The following PLOD2 variants were observed in gnomAD, a reference collection of about 807,000 sequenced individuals.
The protein encoded by PLOD2 is procollagen-lysine,2-oxoglutarate 5-dioxygenase 2, also known as lysine hydroxylase 2.
A neutral mutation model predicts 101.0 loss-of-function variants in PLOD2; 65 were observed. That is an observed-to-expected ratio of 0.64 (90% CI 0.53 to 0.79). The LOEUF is 0.79. PLOD2 is among the 30% of genes least tolerant of loss of function. PLOD2 has a pLI of 0.00. For synonymous variants in PLOD2, 314 were observed against 302.9 expected (o/e 1.04, Z -0.38); for missense variants, 909 against 914.6 (o/e 0.99, Z 0.08).
At position 146,069,859 on chromosome 3, in the gene PLOD2, T is replaced by C. The variant is rs1209984147; in HGVS notation, c.*858A>G. The C allele has an allele frequency of 2.6e-5, 4 of 152,248 alleles. No homozygotes were observed. Among genetic ancestry groups the C allele is most frequent in the African/African-American group, 7.2e-5 (3 of 41,398 alleles). 9.4% of individuals were successfully genotyped at this position (152,248 alleles called of 1,614,324 possible). A position where few individuals can be genotyped will look rare whatever the true frequency, so the allele number is the denominator to read the frequency against. ...TAATTAAATGCACTACTCATCTCAA[T>C]GAAATTTTTCGTTTTCCTATTTTCT... On this transcript the variant is annotated 3_prime_UTR_variant, in exon 20 of 20. Transcript: ENST00000282903.
In PLOD2 at chr3:146,113,946, A is replaced by G. The variant is rs552790618; in HGVS notation, c.339-3498T>C. Among the ~76,000 whole-genome samples the G allele has an allele frequency of 3.9e-5, 6 of 152,318 alleles. No homozygotes were observed. In the East Asian group the frequency reaches 1.2e-3, roughly 29 times the overall value. Reference sequence around the variant, plus strand: ...TTTCTCAGTAAGGAACAGCCCTGAGAAAGAAAATGCTTTCCTAGGGGTAGG... The same window carrying G: ...TTTCTCAGTAAGGAACAGCCCTGAGGAAGAAAATGCTTTCCTAGGGGTAGG... On this transcript the variant is annotated intron_variant, in intron 3 of 19. Coordinates refer to ENST00000282903, the MANE Select transcript of PLOD2 (RefSeq NM_182943.3).
chr3:146,089,201 A>T (rs1036472557), intron 8 of PLOD2, among the ~76,000 whole-genome samples: 1 of 151,508 alleles, frequency 6.6e-6, no homozygotes, highest in Non-Finnish European at 1.5e-5. Context: ...TTTCATTATT[A>T]TATTATGTAT....
intron 3 of PLOD2, among the ~76,000 whole-genome samples, chr3:146,114,182 T>A (rs761388014): frequency 6.6e-5 from 10 of 152,078 alleles, no homozygotes; most frequent in Non-Finnish European, 1.3e-4. Flanking sequence ...CATTAGCAAT[T>A]TTAATTTCGC....
intron 1 of PLOD2, among the ~76,000 whole-genome samples, chr3:146,133,610 C>T (rs2031053699): frequency 6.6e-6 from 1 of 152,142 alleles, no homozygotes. Context: ...CCAATCCCTT[C>T]CCAGAAACAG....
At chr3:146,125,580 C>G (rs1489071005) in intron 1 of PLOD2, among the ~76,000 whole-genome samples, 1 of 151,944 alleles carries the variant, frequency 6.6e-6, no homozygotes, top group African/African-American at 2.4e-5. Context: ...AACCTCATCT[C>G]TACTGAAAAT....
intron 1 of PLOD2, among the ~76,000 whole-genome samples, chr3:146,155,231 G>C (rs1292589157): frequency 6.6e-6 from 1 of 152,014 alleles, no homozygotes; most frequent in African/African-American, 2.4e-5. Context: ...GAGGTGATAA[G>C]CAGGATCATC....
intron 1 of PLOD2, among the ~76,000 whole-genome samples, chr3:146,153,962 AT>A (rs1418985097): frequency 2.0e-5 from 3 of 152,322 alleles, no homozygotes; most frequent in Middle Eastern, 3.4e-3. Flanking sequence ...CTTTGTAAAA[AT>A]TTGAGAATAT....
chr3:146,151,661 C>G (rs192840630), intron 1 of PLOD2, among the ~76,000 whole-genome samples: 3 of 152,240 alleles, frequency 2.0e-5, no homozygotes, highest in Non-Finnish European at 4.4e-5. Context: ...TTCCCTGCAG[C>G]CCAGGTTGCT....
intron 3 of PLOD2, among the ~76,000 whole-genome samples, chr3:146,118,666 GTTA>G (rs920655577): frequency 1.2e-4 from 18 of 152,212 alleles, no homozygotes; most frequent in African/African-American, 2.4e-4. Flanking sequence ...ACAATTTGAT[GTTA>G]TTATAAAATT....
Position 146,161,050 on chromosome 3 carries a change from C to A in PLOD2, c.-61G>T. The A allele has an allele frequency of 8.1e-7, 1 of 1,227,616 alleles. No individual in the cohort carries two copies. The highest frequency in any genetic ancestry group is 1.3e-5 in the South Asian group (1 of 77,350). 76.0% of individuals were successfully genotyped at this position (1,227,616 alleles called of 1,614,324 possible). A position where few individuals can be genotyped will look rare whatever the true frequency, so the allele number is the denominator to read the frequency against. On this transcript the variant is annotated 5_prime_UTR_variant, in exon 1 of 20. Transcript: ENST00000282903. ...CACGGCCCCGCAGCGCCGCGCTTCT[C>A]GCGAGAACGCAGAGACCCGGGTCCG...
Position 146,070,363 on chromosome 3 carries a change from C to G in PLOD2, c.*354G>C, listed in dbSNP as rs1302079124. 1.3e-5 allele frequency: 2 copies of G among 155,980 alleles called. No individual in the cohort carries two copies. Among genetic ancestry groups the G allele is most frequent in the Non-Finnish European group, 2.8e-5 (2 of 70,784 alleles). 9.7% of individuals were successfully genotyped at this position (155,980 alleles called of 1,614,324 possible). A position where few individuals can be genotyped will look rare whatever the true frequency, so the allele number is the denominator to read the frequency against. On this transcript the variant is annotated 3_prime_UTR_variant, in exon 20 of 20. Coordinates refer to ENST00000282903, the MANE Select transcript of PLOD2 (RefSeq NM_182943.3). ...TTTGATAAATAAAAATCTTCCCATGCTTTTTTTAAATAAGAAAATATTATT... is the reference window on the plus strand; with the variant it reads ...TTTGATAAATAAAAATCTTCCCATGGTTTTTTTAAATAAGAAAATATTATT...
intron 1 of PLOD2, among the ~76,000 whole-genome samples, chr3:146,135,420 C>G (rs2031173259): frequency 6.6e-6 from 1 of 152,136 alleles, no homozygotes; most frequent in South Asian, 2.1e-4. Flanking sequence ...TTATTATTCA[C>G]TCTGTGTTGA....
chr3:146,121,170 T>C lies in PLOD2; in HGVS notation c.280A>G (p.Lys94Glu). Residue 94 changes from lysine to glutamate, a missense_variant, in exon 3 of 20, where the codon AAA becomes GAA. Lys to Glu is a moderately conservative substitution (Grantham distance 56). Coordinates refer to ENST00000282903, the MANE Select transcript of PLOD2 (RefSeq NM_182943.3). ...IGGGQKVRLMKEVMEHYADQD... is the reference protein window; with the variant it reads ...IGGGQKVRLMEEVMEHYADQD... Reference sequence around the variant, plus strand: ...TCAGCATAGTGTTCCATGACTTCTTTCATTAATCTCACTTTCTGGCCCCCT... The same window carrying C: ...TCAGCATAGTGTTCCATGACTTCTTCCATTAATCTCACTTTCTGGCCCCCT... The C allele has an allele frequency of 1.2e-6, 2 of 1,607,914 alleles. No homozygotes were observed. Among genetic ancestry groups the C allele is most frequent in the Non-Finnish European group, 1.7e-6 (2 of 1,174,470 alleles).
At chr3:146,097,807 A>AAAT (rs1937256870) in intron 7 of PLOD2, among the ~76,000 whole-genome samples, 1 of 101,036 alleles carries the variant, frequency 9.9e-6, no homozygotes, top group African/African-American at 3.9e-5. Context: ...AAAAAAAAAT[A>AAAT]ATAATAATAA....
rs1936181397 is a variant in PLOD2 at position 146,072,542 on chromosome 3, G to A, written c.1848+19C>T. On this transcript the variant is annotated intron_variant, in intron 17 of 19. Coordinates refer to ENST00000282903, the MANE Select transcript of PLOD2 (RefSeq NM_182943.3). The stretch of plus-strand genomic sequence containing the variant: ...ACCCCCACATACATTTTAGTTCTTA[G>A]TGTGAAATTACAACTTACATGATGT... The A allele has an allele frequency of 6.9e-7, 1 of 1,452,246 alleles. No individual in the cohort carries two copies. The highest frequency in any genetic ancestry group is 1.4e-5 in the African/African-American group (1 of 71,826). The allele number at this position is 1,452,246 out of a possible 1,614,324, so 90.0% of individuals were successfully genotyped here.
chr3:146,128,521 T>A (rs896013535), intron 1 of PLOD2, among the ~76,000 whole-genome samples: 3 of 152,146 alleles, frequency 2.0e-5, no homozygotes, highest in African/African-American at 7.2e-5. Flanking sequence ...CTTTACATAA[T>A]CCTCCAAAAT....
intron 7 of PLOD2, among the ~76,000 whole-genome samples, chr3:146,098,377 T>C (rs1937276358): frequency 6.6e-6 from 1 of 152,122 alleles, no homozygotes; most frequent in African/African-American, 2.4e-5. Flanking sequence ...TATCTAAAAA[T>C]TGATTCATAT....
intron 7 of PLOD2, among the ~76,000 whole-genome samples, chr3:146,098,223 T>C (rs1459269396): frequency 6.6e-6 from 1 of 152,186 alleles, no homozygotes; most frequent in Admixed American, 6.5e-5. Context: ...AGTAAAATTT[T>C]AAAAAGCTAC....
chr3:146,152,523 G>T (rs972001596), intron 1 of PLOD2, among the ~76,000 whole-genome samples: 2 of 152,060 alleles, frequency 1.3e-5, no homozygotes, highest in African/African-American at 4.8e-5. Flanking sequence ...AATATACCTA[G>T]ACCATCTATT....
Sources: gnomAD v4.1 joint callset for allele counts (sites outside exome capture counted in the v4.1 genomes callset) on GRCh38, gnomAD v4.1.1 for gene constraint, MANE v1.5 for transcripts, NCBI Gene and HGNC (gene_info 2026-07-23, HGNC 2026-07-21) for gene names.